PTGER3: variants seen among roughly 807,000 people sequenced by gnomAD.
PTGER3 encodes prostaglandin E receptor 3.
Under a neutral mutation model 34.7 loss-of-function variants are expected in PTGER3, and 22 were observed. The observed-to-expected ratio is 0.63, with a 90% CI of 0.45 to 0.91. The LOEUF is 0.91. Ranked by LOEUF, PTGER3 falls within the 40% of genes least tolerant of loss-of-function variation. The pLI, the probability that PTGER3 is intolerant of heterozygous loss-of-function variation, is 0.00. For missense variants in PTGER3, 468 were observed against 519.4 expected (o/e 0.90, Z 0.96); for synonymous variants, 241 against 230.1 (o/e 1.05, Z -0.43).
intron 4 of PTGER3, among the ~76,000 whole-genome samples, chr1:70,908,491 G>A (rs1646996248): frequency 6.6e-6 from 1 of 152,180 alleles, no homozygotes; most frequent in Non-Finnish European, 1.5e-5. Flanking sequence ...AGTTTCCTCA[G>A]TAGGATTGAG....
chr1:70,878,768 A>G (rs915839228), intron 4 of PTGER3, among the ~76,000 whole-genome samples: 2 of 152,048 alleles, frequency 1.3e-5, no homozygotes, highest in Non-Finnish European at 2.9e-5. Context: ...TTTCCATACA[A>G]TTGTATTGTT....
intron 2 of PTGER3, among the ~76,000 whole-genome samples, chr1:70,998,494 C>T (rs1011974316): frequency 1.3e-5 from 2 of 152,094 alleles, no homozygotes; most frequent in Non-Finnish European, 2.9e-5. Flanking sequence ...ATGATAGAAG[C>T]TCATTAAAAA....
At chr1:70,874,758 T>A (rs1309838577) in intron 4 of PTGER3, among the ~76,000 whole-genome samples, 1 of 152,182 alleles carries the variant, frequency 6.6e-6, no homozygotes, top group Non-Finnish European at 1.5e-5. Flanking sequence ...AATCATTGCA[T>A]TTTCCCAGGA....
At chr1:71,023,007 T>C (rs1478017030) in intron 1 of PTGER3, among the ~76,000 whole-genome samples, 1 of 151,874 alleles carries the variant, frequency 6.6e-6, no homozygotes, top group African/African-American at 2.4e-5. Context: ...CATTTTAACA[T>C]GTCCAAATTT....
intron 1 of PTGER3, among the ~76,000 whole-genome samples, chr1:71,033,661 C>T (rs1659587654): frequency 6.6e-6 from 1 of 151,960 alleles, no homozygotes; most frequent in Non-Finnish European, 1.5e-5. Context: ...TGGTTCTCAG[C>T]TTTGTTTCTT....
chr1:70,885,185 G>C (rs932882228), intron 4 of PTGER3, among the ~76,000 whole-genome samples: 2 of 151,852 alleles, frequency 1.3e-5, no homozygotes, highest in Admixed American at 6.6e-5. Flanking sequence ...TTCATTCTGA[G>C]AGCATTCTAA....
intron 4 of PTGER3, among the ~76,000 whole-genome samples, chr1:70,937,978 G>A (rs767210825): frequency 1.8e-4 from 28 of 151,994 alleles, no homozygotes; most frequent in Non-Finnish European, 3.7e-4. Context: ...ATTTTGAGAT[G>A]AAATATGACA....
chr1:70,862,163 G>A, intron 4 of PTGER3: 1 of 388,040 alleles, frequency 2.6e-6, no homozygotes, highest in Non-Finnish European at 4.2e-6. Flanking sequence ...TGGAATTTCA[G>A]GGAACCAAAA....
At chr1:71,030,830 T>C (rs989883458) in intron 1 of PTGER3, among the ~76,000 whole-genome samples, 15 of 139,714 alleles carry the variant, frequency 1.1e-4, no homozygotes, top group Admixed American at 3.9e-4. Context: ...CCAGACAATT[T>C]CAGTGATTTT....
At chr1:70,867,156 T>C (rs1469015155) in intron 4 of PTGER3, among the ~76,000 whole-genome samples, 1 of 152,238 alleles carries the variant, frequency 6.6e-6, no homozygotes, top group Admixed American at 6.5e-5. Context: ...CTGTTTCCTC[T>C]TCTGCAAATT....
intron 1 of PTGER3, among the ~76,000 whole-genome samples, chr1:71,016,180 G>A (rs1302877883): frequency 6.6e-6 from 1 of 152,110 alleles, no homozygotes; most frequent in Non-Finnish European, 1.5e-5. Context: ...CAATCCTCTT[G>A]TGTAATTTCT....
At chr1:71,008,316 A>G (rs1657146364) in intron 2 of PTGER3, 1 of 871,012 alleles carries the variant, frequency 1.1e-6, no homozygotes, top group Non-Finnish European at 1.4e-6. Context: ...AATATAATAC[A>G]TATCTGATTG....
At chr1:71,006,941 C>T (rs909013403) in intron 2 of PTGER3, 2 of 985,386 alleles carry the variant, frequency 2.0e-6, no homozygotes, top group Non-Finnish European at 2.4e-6. Context: ...CTAGCCATGA[C>T]TTGAATGCCA....
At chr1:70,998,123 C>T (rs1319225894) in intron 2 of PTGER3, among the ~76,000 whole-genome samples, 2 of 152,192 alleles carry the variant, frequency 1.3e-5, no homozygotes, top group Non-Finnish European at 2.9e-5. Flanking sequence ...TGTGACACTC[C>T]TTCATGCATT....
chr1:70,955,241 T>G (rs1459162416), intron 2 of PTGER3, among the ~76,000 whole-genome samples: 3 of 152,194 alleles, frequency 2.0e-5, no homozygotes, highest in South Asian at 4.1e-4. Context: ...CTCAAGCTTC[T>G]TATCTCTGAA....
intron 1 of PTGER3, among the ~76,000 whole-genome samples, chr1:71,035,211 T>C (rs1659718898): frequency 6.6e-6 from 1 of 152,220 alleles, no homozygotes; most frequent in Non-Finnish European, 1.5e-5. Flanking sequence ...ATTTTACAAA[T>C]ATAGAACAGT....
chr1:70,878,675 T>C (rs1016388411), intron 4 of PTGER3, among the ~76,000 whole-genome samples: 1 of 152,178 alleles, frequency 6.6e-6, no homozygotes, highest in Admixed American at 6.5e-5. Context: ...TGTATCTTTT[T>C]TCTTATTACT....
chr1:71,010,600 G>A lies in PTGER3; in HGVS notation c.1077+1705C>T, dbSNP rs576428199. Reference sequence around the variant, plus strand: ...AAAGCCTCTTTATTATGTGATTTCAGTGCACTTTTGAAAAAAAGTAGGTAG... The same window carrying A: ...AAAGCCTCTTTATTATGTGATTTCAATGCACTTTTGAAAAAAAGTAGGTAG... On this transcript the variant is annotated intron_variant, in intron 2 of 3. Transcript: ENST00000306666. 7.0e-5 allele frequency: 69 copies of A among 984,782 alleles called. No homozygotes were observed. The South Asian group carries it at 2.9e-3, about 41-fold the overall frequency. The allele number at this position is 984,782 out of a possible 1,614,324, so 61.0% of individuals were successfully genotyped here. A position where few individuals can be genotyped will look rare whatever the true frequency, so the allele number is the denominator to read the frequency against.
chr1:70,921,883 T>C (rs1647566897), intron 4 of PTGER3, among the ~76,000 whole-genome samples: 1 of 152,142 alleles, frequency 6.6e-6, no homozygotes, highest in African/African-American at 2.4e-5. Context: ...AGAGCTTTGA[T>C]TGATTGGCTT....
Sources: allele counts gnomAD v4.1 joint callset (sites outside exome capture counted in the v4.1 genomes callset), GRCh38; gene constraint gnomAD v4.1.1; transcripts MANE v1.5; gene names NCBI Gene and HGNC (gene_info 2026-07-23, HGNC 2026-07-21).